The following DAB2IP variants were observed in gnomAD, a reference collection of about 807,000 sequenced individuals.
DAB2IP encodes DAB2 interacting protein.
DAB2IP carries 28 observed loss-of-function variants against 107.2 expected under a neutral mutation model. The observed-to-expected ratio is 0.26, with a 90% CI of 0.19 to 0.36. DAB2IP has a LOEUF of 0.36. DAB2IP is among the 10% of genes least tolerant of loss of function. DAB2IP has a pLI of 1.00. For synonymous variants in DAB2IP, 755 were observed against 706.4 expected (o/e 1.07, Z -1.09); for missense variants, 1,400 against 1,644.7 (o/e 0.85, Z 2.57).
chr9:121,636,777 G>A (rs555464876), intron 1 of DAB2IP, among the ~76,000 whole-genome samples: 5 of 152,188 alleles, frequency 3.3e-5, no homozygotes, highest in African/African-American at 4.8e-5. Context: ...TGATTCCTCC[G>A]TTCTAACAAG....
chr9:121,607,048 T>C (rs868243522), intron 1 of DAB2IP, among the ~76,000 whole-genome samples: 10 of 152,214 alleles, frequency 6.6e-5, no homozygotes, highest in Middle Eastern at 3.4e-3. Context: ...GTGCTGGGAT[T>C]ATAGGCATGA....
intron 9 of DAB2IP, 65 bp from the exon 10 acceptor site, chr9:121,768,367 G>A (rs1414597686): frequency 1.3e-5 from 20 of 1,552,540 alleles, no homozygotes; most frequent in Non-Finnish European, 1.6e-5. Flanking sequence ...GTGTCCCAGT[G>A]GAGGGAGTTC....
At chr9:121,572,103 C>G (rs1829957785) in intron 1 of DAB2IP, among the ~76,000 whole-genome samples, 1 of 152,144 alleles carries the variant, frequency 6.6e-6, no homozygotes, top group African/African-American at 2.4e-5. Context: ...GGGGGCAAGA[C>G]AGAGGCCTGG....
chr9:121,595,594 T>A (rs1216661364), intron 1 of DAB2IP, among the ~76,000 whole-genome samples: 2 of 121,022 alleles, frequency 1.7e-5, no homozygotes, highest in African/African-American at 2.9e-5. Context: ...AAGAGAGAGG[T>A]GCTGTCTCAA....
At position 121,776,188 on chromosome 9, in the gene DAB2IP, C is replaced by T. The variant is rs1269797274; in HGVS notation, c.3121-10C>T. On this transcript the variant is annotated splice_polypyrimidine_tract_variant and intron_variant, in intron 13 of 15. Coordinates refer to ENST00000408936, the Ensembl canonical transcript of DAB2IP. This position sits in a 1 kb window ranked among gnomAD's most constrained non-coding sequence, Gnocchi z 5.4. Reference sequence around the variant, plus strand: ...GGGTGCTGTGCCCGTGGACGCTGCCCTCCTGGTAGGACCTGGCGGTGCTGC... The same window carrying T: ...GGGTGCTGTGCCCGTGGACGCTGCCTTCCTGGTAGGACCTGGCGGTGCTGC... The T allele has an allele frequency of 6.4e-7, 1 of 1,566,710 alleles. No individual in the cohort carries two copies. Among genetic ancestry groups the T allele is most frequent in the Non-Finnish European group, 8.7e-7 (1 of 1,155,854 alleles).
chr9:121,658,776 C>T (rs1371416482), intron 1 of DAB2IP, among the ~76,000 whole-genome samples: 2 of 152,198 alleles, frequency 1.3e-5, no homozygotes, highest in African/African-American at 2.4e-5. Context: ...ACGCCCATCA[C>T]GCCCTTGGAA....
intron 2 of DAB2IP, among the ~76,000 whole-genome samples, chr9:121,694,907 C>T (rs570274546): frequency 3.9e-5 from 6 of 152,298 alleles, no homozygotes; most frequent in South Asian, 2.1e-4. Context: ...ACCTCAGCGT[C>T]GTGGCACAGC....
chr9:121,720,938 CGAAA>C (rs1234911600), intron 3 of DAB2IP, among the ~76,000 whole-genome samples: 1 of 152,086 alleles, frequency 6.6e-6, no homozygotes, highest in Non-Finnish European at 1.5e-5. Context: ...TTCATTTACT[CGAAA>C]GAAAAAGGGA....
chr9:121,738,394 T>A (rs76148097), intron 3 of DAB2IP, among the ~76,000 whole-genome samples: 3,647 of 152,308 alleles, frequency 0.024, 160 homozygotes, highest in African/African-American at 0.083. Flanking sequence ...AAACTTTTAT[T>A]GATCCAGACA....
chr9:121,677,622 A>G (rs1828330354), intron 1 of DAB2IP, among the ~76,000 whole-genome samples: 1 of 152,180 alleles, frequency 6.6e-6, no homozygotes, highest in Non-Finnish European at 1.5e-5. Flanking sequence ...AGTGACAGGG[A>G]GCCCACTACA....
chr9:121,773,899 C>T (rs917560169), intron 12 of DAB2IP, among the ~76,000 whole-genome samples: 3 of 152,214 alleles, frequency 2.0e-5, no homozygotes, highest in Admixed American at 1.3e-4. Context: ...ACCCTGTCAC[C>T]CAAAGGCTGC....
At chr9:121,606,761 C>T (rs566534159) in intron 1 of DAB2IP, among the ~76,000 whole-genome samples, 12 of 151,070 alleles carry the variant, frequency 7.9e-5, no homozygotes, top group African/African-American at 2.7e-4. Context: ...AGAATGGCAG[C>T]GTTCTTTGTT....
At position 121,782,931 on chromosome 9, in the gene DAB2IP, T is replaced by C; in HGVS notation, c.*433T>C. On this transcript the variant is annotated 3_prime_UTR_variant, in exon 16 of 16. Coordinates refer to ENST00000408936, the Ensembl canonical transcript of DAB2IP. The surrounding 1 kb of genome is among the most constrained non-coding windows in gnomAD (Gnocchi z 6.1). ...ACACCTGTGGCTTCCCCTCGCCTCC[T>C]TGGGGGGCCCGGGACTCCCTGGCAG... 9.8e-7 allele frequency: 1 copy of C among 1,020,570 alleles called. No homozygotes were observed. The allele number at this position is 1,020,570 out of a possible 1,614,324, so 63.2% of individuals were successfully genotyped here.
intron 3 of DAB2IP, 74 bp from the exon 4 acceptor site, chr9:121,756,939 C>A: frequency 1.9e-6 from 3 of 1,602,638 alleles, no homozygotes; most frequent in Non-Finnish European, 8.5e-7. Context: ...ACGGCCAGGG[C>A]AGATGGGTGG....
chr9:121,634,117 G>A lies in DAB2IP; in HGVS notation c.41-44561G>A, dbSNP rs375975856. 5.3e-4 allele frequency among the ~76,000 whole-genome samples: 80 copies of A among 152,292 alleles called. No homozygotes were observed. Among genetic ancestry groups the A allele is most frequent in the African/African-American group, 1.9e-3 (79 of 41,542 alleles). On this transcript the variant is annotated intron_variant, in intron 1 of 16. Transcript: ENST00000259371. This position sits in a 1 kb window ranked among gnomAD's most constrained non-coding sequence, Gnocchi z 4.7. ...TCAGAGCCCTCTCAGGACACAAAGG[G>A]ACACAGTTCTTGAAGGGTCCTCCAG...
intron 1 of DAB2IP, among the ~76,000 whole-genome samples, chr9:121,577,070 G>A (rs10818568): frequency 0.2 from 29,755 of 152,064 alleles, 3,239 homozygotes; most frequent in East Asian, 0.36. Context: ...GACATCTCTC[G>A]GGCTCTGCCT....
intron 3 of DAB2IP, among the ~76,000 whole-genome samples, chr9:121,734,203 C>A (rs538887511): frequency 0.025 from 3,607 of 143,268 alleles, 96 homozygotes; most frequent in Non-Finnish European, 0.033. Context: ...AGGTGAAACC[C>A]CGTCTCTACT....
At chr9:121,621,164 C>G (rs1831449087) in intron 1 of DAB2IP, among the ~76,000 whole-genome samples, 1 of 152,152 alleles carries the variant, frequency 6.6e-6, no homozygotes, top group African/African-American at 2.4e-5. Flanking sequence ...GCCCTCACTG[C>G]CCATTAGGGG....
chr9:121,775,792 G>T (rs1835159985), intron 13 of DAB2IP, among the ~76,000 whole-genome samples: 1 of 152,210 alleles, frequency 6.6e-6, no homozygotes, highest in Non-Finnish European at 1.5e-5. Flanking sequence ...TGGTCACCTT[G>T]TCTGGGCCTC....
Sources: allele counts gnomAD v4.1 joint callset (sites outside exome capture counted in the v4.1 genomes callset), GRCh38; gene constraint gnomAD v4.1.1; non-coding constraint Gnocchi (gnomAD v3.1); transcripts MANE v1.5; gene names NCBI Gene and HGNC (gene_info 2026-07-23, HGNC 2026-07-21).